PRKAR2B: variants seen among roughly 807,000 people sequenced by gnomAD.
PRKAR2B encodes cAMP-dependent protein kinase type II-beta regulatory subunit.
In PRKAR2B, 14 loss-of-function variants were observed where a neutral mutation model predicts 49.9. That is an observed-to-expected ratio of 0.28 (90% CI 0.19 to 0.44). PRKAR2B has a LOEUF of 0.44. PRKAR2B is among the 20% of genes least tolerant of loss of function. PRKAR2B has a pLI of 1.00. For missense variants in PRKAR2B, 393 were observed against 537.9 expected, an observed-to-expected ratio of 0.73 and a Z score of 2.67; for synonymous variants, 196 against 197.7, an observed-to-expected ratio of 0.99 and a Z score of 0.07.
At chr7:107,086,677 G>T (rs1327924894) in intron 2 of PRKAR2B, among the ~76,000 whole-genome samples, 2 of 151,976 alleles carry the variant, frequency 1.3e-5, no homozygotes, top group African/African-American at 4.8e-5. Flanking sequence ...GGCCAGGCTG[G>T]TCTTGAACTC....
intron 2 of PRKAR2B, among the ~76,000 whole-genome samples, chr7:107,083,278 A>T (rs1794550469): frequency 6.6e-6 from 1 of 151,984 alleles, no homozygotes; most frequent in African/African-American, 2.4e-5. Flanking sequence ...AGGGAATTTT[A>T]TCAAGGAATA....
intron 2 of PRKAR2B, among the ~76,000 whole-genome samples, chr7:107,086,323 A>G (rs1268198305): frequency 6.6e-6 from 1 of 152,164 alleles, no homozygotes; most frequent in Non-Finnish European, 1.5e-5. Flanking sequence ...AAAATGTGGT[A>G]GTAAGACTGC....
intron 4 of PRKAR2B, among the ~76,000 whole-genome samples, chr7:107,130,831 A>G (rs1465123470): frequency 2.6e-5 from 4 of 152,228 alleles, no homozygotes; most frequent in Non-Finnish European, 4.4e-5. Context: ...CAGTGGTAAA[A>G]TTAATCCTTA....
Position 107,045,139 on chromosome 7 carries a change from G to C in PRKAR2B, c.232G>C (p.Glu78Gln). 1 of 1,520,616 alleles carries C rather than the reference G, an allele frequency of 6.6e-7. No individual in the cohort carries two copies. The highest frequency in any genetic ancestry group is 8.8e-7 in the Non-Finnish European group (1 of 1,136,758). 94.2% of individuals were successfully genotyped at this position (1,520,616 alleles called of 1,614,324 possible). A position where few individuals can be genotyped will look rare whatever the true frequency, so the allele number is the denominator to read the frequency against. Residue 78 changes from glutamate to glutamine, a missense_variant, in exon 1 of 11, where the codon GAG (glutamate) becomes CAG (glutamine). Transcript: ENST00000265717. ...CCCCAGCAAGGGGGTCAACTTCGCC[G>C]AGGAGCCCATGCAGTCCGACTCCGA... is the stretch of plus-strand genomic sequence containing the variant. ...GTPSKGVNFA[E>Q]EPMQSDSEDG...
At chr7:107,104,827 G>A (rs1016592497) in intron 2 of PRKAR2B, among the ~76,000 whole-genome samples, 7 of 152,250 alleles carry the variant, frequency 4.6e-5, no homozygotes, top group African/African-American at 1.7e-4. Context: ...CTAATACCAC[G>A]AATCAGTTAT....
intron 2 of PRKAR2B, among the ~76,000 whole-genome samples, chr7:107,096,904 C>G (rs1175691187): frequency 6.6e-6 from 1 of 152,104 alleles, no homozygotes; most frequent in African/African-American, 2.4e-5. Flanking sequence ...TTCTTTTACA[C>G]TTGCTGAGGG....
At chr7:107,127,746 G>A (rs1031578534) in intron 3 of PRKAR2B, among the ~76,000 whole-genome samples, 2 of 152,150 alleles carry the variant, frequency 1.3e-5, no homozygotes, top group South Asian at 2.1e-4. Context: ...TTCTTTCCAG[G>A]GACCTTATCA....
intron 2 of PRKAR2B, among the ~76,000 whole-genome samples, chr7:107,088,148 A>T (rs2116796636): frequency 6.6e-6 from 1 of 152,238 alleles, no homozygotes; most frequent in Admixed American, 6.5e-5. Flanking sequence ...GGTAGAAGGA[A>T]CCCACAGCTT....
chr7:107,114,250 T>C lies in PRKAR2B; in HGVS notation c.344-7702T>C, dbSNP rs557306619. 3.2e-4 allele frequency among the ~76,000 whole-genome samples: 49 copies of C among 151,736 alleles called. No individual in the cohort carries two copies. In the South Asian group the frequency reaches 3.3e-3, roughly 10 times the overall value. ...GGGTTCTGACATAGGGTATTGTTTT[T>C]CCTTTGGAGGCATTTTTGAAGAAAA... On this transcript the variant is annotated intron_variant, in intron 2 of 10. Transcript: ENST00000265717.
At chr7:107,047,779 T>A (rs546620999) in intron 1 of PRKAR2B, among the ~76,000 whole-genome samples, 6 of 152,326 alleles carry the variant, frequency 3.9e-5, no homozygotes, top group African/African-American at 1.4e-4. Context: ...CAAGGAAGTT[T>A]GATTCAGAAA....
intron 2 of PRKAR2B, among the ~76,000 whole-genome samples, chr7:107,080,780 G>A (rs1340385433): frequency 6.6e-6 from 1 of 152,204 alleles, no homozygotes; most frequent in Non-Finnish European, 1.5e-5. Context: ...GAAGTAAGAG[G>A]CTGGATTTGG....
At chr7:107,046,686 C>T (rs574538879) in intron 1 of PRKAR2B, among the ~76,000 whole-genome samples, 1 of 152,118 alleles carries the variant, frequency 6.6e-6, no homozygotes, top group Non-Finnish European at 1.5e-5. Flanking sequence ...TAAGAAGCAG[C>T]AGCCAGTAAC....
At chr7:107,121,080 G>A (rs763817436) in intron 2 of PRKAR2B, among the ~76,000 whole-genome samples, 2 of 150,898 alleles carry the variant, frequency 1.3e-5, no homozygotes, top group South Asian at 2.1e-4. Context: ...TTAAGCAATA[G>A]CATCCAATTC....
chr7:107,108,590 A>G (rs893463565), intron 2 of PRKAR2B, among the ~76,000 whole-genome samples: 12 of 152,192 alleles, frequency 7.9e-5, no homozygotes, highest in Non-Finnish European at 1.8e-4. Context: ...CTTCGAAGCC[A>G]TATGGTGTTG....
At chr7:107,099,477 T>G (rs969981983) in intron 2 of PRKAR2B, among the ~76,000 whole-genome samples, 3 of 152,136 alleles carry the variant, frequency 2.0e-5, no homozygotes, top group Non-Finnish European at 2.9e-5. Context: ...GTTGAGGCGA[T>G]GCCCCGCCCT....
intron 2 of PRKAR2B, among the ~76,000 whole-genome samples, chr7:107,104,514 C>A (rs1481785090): frequency 6.6e-6 from 1 of 152,130 alleles, no homozygotes; most frequent in African/African-American, 2.4e-5. Context: ...ACCCTCATTT[C>A]CCCACAAAAT....
chr7:107,129,619 T>G (rs1376714365), intron 4 of PRKAR2B, among the ~76,000 whole-genome samples: 1 of 152,132 alleles, frequency 6.6e-6, no homozygotes, highest in Non-Finnish European at 1.5e-5. Flanking sequence ...AAAAATGAAT[T>G]CAGGGTGAGT....
At chr7:107,135,649 A>G (rs1795684948) in intron 4 of PRKAR2B, among the ~76,000 whole-genome samples, 1 of 152,206 alleles carries the variant, frequency 6.6e-6, no homozygotes, top group Non-Finnish European at 1.5e-5. Flanking sequence ...TGAAATATTT[A>G]GATGTAAATC....
intron 4 of PRKAR2B, among the ~76,000 whole-genome samples, chr7:107,136,583 A>C (rs936174526): frequency 6.6e-6 from 1 of 152,242 alleles, no homozygotes; most frequent in Non-Finnish European, 1.5e-5. Flanking sequence ...GTCATCAGGG[A>C]AATGCAACTT....
Sources: allele counts gnomAD v4.1 joint callset (sites outside exome capture counted in the v4.1 genomes callset), GRCh38; gene constraint gnomAD v4.1.1; transcripts MANE v1.5; gene names NCBI Gene and HGNC (gene_info 2026-07-23, HGNC 2026-07-21).